The following YAP1 variants were observed in gnomAD, a reference collection of about 807,000 sequenced individuals.
The protein encoded by YAP1 is transcriptional coactivator YAP1.
In YAP1, 5 loss-of-function variants were observed where a neutral mutation model predicts 56.9. The ratio of observed to expected loss-of-function variants is 0.09; its 90% CI spans 0.05 to 0.18. The LOEUF is 0.18. Ranked by LOEUF, YAP1 falls within the 10% of genes least tolerant of loss-of-function variation. The pLI, the probability that YAP1 is intolerant of heterozygous loss-of-function variation, is 1.00. For synonymous variants in YAP1, 265 were observed against 248.1 expected, an observed-to-expected ratio of 1.07 and a Z score of -0.64; for missense variants, 539 against 651.8, an observed-to-expected ratio of 0.83 and a Z score of 1.88.
At chr11:102,205,672 G>A (rs1051291713) in intron 4 of YAP1, among the ~76,000 whole-genome samples, 1 of 151,046 alleles carries the variant, frequency 6.6e-6, no homozygotes, top group Non-Finnish European at 1.5e-5. Flanking sequence ...TTAAAACTAC[G>A]TCTTGTTTCT....
intron 2 of YAP1, among the ~76,000 whole-genome samples, chr11:102,133,831 G>A (rs558199215): frequency 6.8e-4 from 104 of 152,296 alleles, no homozygotes; most frequent in Non-Finnish European, 1.3e-3. Context: ...TGGCCCAAAC[G>A]AGAGAAATTT....
chr11:102,134,624 C>G (rs1388528945), intron 2 of YAP1, among the ~76,000 whole-genome samples: 3 of 151,734 alleles, frequency 2.0e-5, no homozygotes, highest in African/African-American at 7.3e-5. Flanking sequence ...GAGAATATTG[C>G]TAGTTCCTTA....
intron 6 of YAP1, among the ~76,000 whole-genome samples, chr11:102,219,428 C>T (rs780004122): frequency 1.3e-5 from 2 of 152,016 alleles, no homozygotes; most frequent in Admixed American, 6.6e-5. Flanking sequence ...GGGATCACCA[C>T]GGAGAGTTTC....
intron 3 of YAP1, among the ~76,000 whole-genome samples, chr11:102,166,893 G>T (rs2187158): frequency 0.89 from 136,010 of 152,212 alleles, 62,698 homozygotes; most frequent in East Asian, 1. Flanking sequence ...ATTTCCTCTA[G>T]ACTCCCCAAA....
intron 4 of YAP1, among the ~76,000 whole-genome samples, chr11:102,189,448 G>T (rs1207963498): frequency 2.0e-5 from 3 of 152,098 alleles, no homozygotes. Flanking sequence ...TTACCAATCT[G>T]TGTTTTAGGA....
At chr11:102,210,918 A>G (rs537601872) in intron 6 of YAP1, among the ~76,000 whole-genome samples, 3 of 151,888 alleles carry the variant, frequency 2.0e-5, no homozygotes, top group Non-Finnish European at 4.4e-5. Context: ...ATGCCCAGCT[A>G]ATTCTTTTTG....
intron 6 of YAP1, among the ~76,000 whole-genome samples, chr11:102,220,702 A>T (rs770362936): frequency 6.6e-6 from 1 of 152,114 alleles, no homozygotes; most frequent in Non-Finnish European, 1.5e-5. Context: ...ACATGAGTCT[A>T]TGCAGGAACT....
chr11:102,232,681 G>T lies in YAP1; in HGVS notation c.*2741G>T, dbSNP rs1313322644. On this transcript the variant is annotated 3_prime_UTR_variant, in exon 9 of 9. Transcript: ENST00000282441. ...GTTGTATTGGGTAGCATTGGGATAA[G>T]ATTTTAACTGGGTATTCTTGAATTG... 6.6e-6 allele frequency: 1 copy of T among 152,568 alleles called. No homozygotes were observed. Among genetic ancestry groups the T allele is most frequent in the East Asian group, 1.9e-4 (1 of 5,196 alleles). 9.5% of individuals were successfully genotyped at this position (152,568 alleles called of 1,614,324 possible).
Position 102,110,883 on chromosome 11 carries a change from C to T in YAP1, c.35C>T (p.Ala12Val), listed in dbSNP as rs1180551289. 16 of 1,419,854 alleles carry T rather than the reference C, an allele frequency of 1.1e-5. No individual in the cohort carries two copies. In the South Asian group the frequency reaches 1.3e-4, roughly 12 times the overall value. 88.0% of individuals were successfully genotyped at this position (1,419,854 alleles called of 1,614,324 possible). A position where few individuals can be genotyped will look rare whatever the true frequency, so the allele number is the denominator to read the frequency against. Residue 12 changes from alanine (A) to valine (V), a missense_variant, in exon 1 of 9, where the codon GCC becomes GTC. Ala to Val is a moderately conservative substitution (Grantham distance 64). Coordinates refer to ENST00000282441, the MANE Select transcript of YAP1 (RefSeq NM_001130145.3). ...GGGCAGCAGCCGCCGCCTCAACCGG[C>T]CCCCCAGGGCCAAGGGCAGCCGCCT... Reference protein sequence around the residue: ...DPGQQPPPQPAPQGQGQPPSQ... With the variant: ...DPGQQPPPQPVPQGQGQPPSQ...
At chr11:102,154,747 C>G (rs1945845907) in intron 2 of YAP1, among the ~76,000 whole-genome samples, 1 of 152,098 alleles carries the variant, frequency 6.6e-6, no homozygotes, top group Non-Finnish European at 1.5e-5. Context: ...GCCAAGGGTT[C>G]CCTTACTTAC....
intron 2 of YAP1, among the ~76,000 whole-genome samples, chr11:102,114,977 C>A (rs1437847705): frequency 1.3e-5 from 2 of 152,140 alleles, no homozygotes; most frequent in African/African-American, 4.8e-5. Context: ...CATATGCAGT[C>A]GCTCAGTGGC....
intron 6 of YAP1, among the ~76,000 whole-genome samples, chr11:102,212,568 T>TTTTTAA (rs1949455400): frequency 1.7e-5 from 1 of 57,184 alleles, no homozygotes; most frequent in Non-Finnish European, 3.3e-5. Context: ...TAACTTTTTA[T>TTTTTAA]TTTTATTTTT....
chr11:102,182,597 CT>C (rs528069851), intron 3 of YAP1, among the ~76,000 whole-genome samples: 11 of 152,094 alleles, frequency 7.2e-5, no homozygotes, highest in African/African-American at 2.7e-4. Context: ...ACTAAAAATT[CT>C]TTTTTTGTGA....
Position 102,211,895 on chromosome 11 carries a change from G to C in YAP1, c.1032+2331G>C, listed in dbSNP as rs373059665. On this transcript the variant is annotated intron_variant, in intron 6 of 8. Coordinates refer to ENST00000282441, the MANE Select transcript of YAP1 (RefSeq NM_001130145.3). The stretch of plus-strand genomic sequence containing the variant: ...ATTTTTTGTGTTTTTAGTAGAGACG[G>C]GGTTTCACCATGTTATCCAGGATGG... Among the ~76,000 whole-genome samples, 734 of 152,154 alleles carry C rather than the reference G, an allele frequency of 4.8e-3. 4 individuals carry two copies. The highest frequency in any genetic ancestry group is 0.017 in the African/African-American group (698 of 41,510).
rs1250945813 is a variant in YAP1 at position 102,146,144 on chromosome 11, C to A, written c.573-16312C>A. Among the ~76,000 whole-genome samples the A allele has an allele frequency of 2.0e-5, 3 of 152,138 alleles. No homozygotes were observed. The East Asian group carries it at 5.8e-4, about 29-fold the overall frequency. Reference sequence around the variant, plus strand: ...CTACAGATTAAGGTCCATAGCCTGGCCCCATATCACCTTTCTAGCCTCATC... The same window carrying A: ...CTACAGATTAAGGTCCATAGCCTGGACCCATATCACCTTTCTAGCCTCATC... On this transcript the variant is annotated intron_variant, in intron 2 of 8. Transcript: ENST00000282441.
In YAP1 at chr11:102,198,836, C is replaced by T. The variant is rs574258112; in HGVS notation, c.803-7057C>T. ...TATGTTGAGTGTTGTATTGAAACAC[C>T]GAGAAGATGTTTCACCGAAAGAGAA... On this transcript the variant is annotated intron_variant, in intron 4 of 8. Coordinates refer to ENST00000282441, the MANE Select transcript of YAP1 (RefSeq NM_001130145.3). 8.5e-4 allele frequency among the ~76,000 whole-genome samples: 129 copies of T among 152,038 alleles called. No individual in the cohort carries two copies. In the Middle Eastern group the frequency reaches 0.01, roughly 12 times the overall value.
intron 4 of YAP1, among the ~76,000 whole-genome samples, chr11:102,203,736 TTAAA>T (rs1424608226): frequency 6.6e-6 from 1 of 152,186 alleles, no homozygotes; most frequent in African/African-American, 2.4e-5. Context: ...AGCTCATGAA[TTAAA>T]TGTAAGTCAC....
intron 2 of YAP1, among the ~76,000 whole-genome samples, chr11:102,119,012 C>G (rs1943485736): frequency 6.6e-6 from 1 of 151,820 alleles, no homozygotes; most frequent in Non-Finnish European, 1.5e-5. Flanking sequence ...TATACACAAA[C>G]AAAAAACCAG....
chr11:102,190,327 G>A (rs968702740), intron 4 of YAP1, among the ~76,000 whole-genome samples: 14 of 152,240 alleles, frequency 9.2e-5, no homozygotes, highest in African/African-American at 3.1e-4. Context: ...GAGCTATTGC[G>A]AGCTAAAAAT....
Sources: gnomAD v4.1 joint callset for allele counts (sites outside exome capture counted in the v4.1 genomes callset) on GRCh38, gnomAD v4.1.1 for gene constraint, MANE v1.5 for transcripts, NCBI Gene and HGNC (gene_info 2026-07-23, HGNC 2026-07-21) for gene names.